Variants in EIF5B observed in about 807,000 individuals in gnomAD.
The protein encoded by EIF5B is eukaryotic translation initiation factor 5B.
Under a neutral mutation model 147.5 loss-of-function variants are expected in EIF5B, and 47 were observed. That is an observed-to-expected ratio of 0.32 (90% CI 0.25 to 0.41). EIF5B has a LOEUF of 0.41. Among genes scored for constraint, EIF5B ranks in the 10% least tolerant of loss-of-function variants. The pLI is 1.00. For missense variants in EIF5B, 1,064 were observed against 1,413.2 expected (o/e 0.75, Z 3.96); for synonymous variants, 455 against 456.2 (o/e 1.00, Z 0.03).
rs560721709 is a variant in EIF5B at position 99,361,391 on chromosome 2, T to C, written c.490T>C (p.Ser164Pro). 3.1e-6 allele frequency: 5 copies of C among 1,613,614 alleles called. No homozygotes were observed. The South Asian group carries it at 5.5e-5, about 18-fold the overall frequency. ...AAAATCAAATAAGAAGTGGGATGGGTCAGAGGAGGATGAGGATAACAGTAA... is the reference window on the plus strand; with the variant it reads ...AAAATCAAATAAGAAGTGGGATGGGCCAGAGGAGGATGAGGATAACAGTAA... ...AQKSNKKWDG[S>P]EEDEDNSKKI... The change falls in exon 4 of 24, where the codon TCA becomes CCA. Residue 164 changes from serine to proline, a missense_variant. By Grantham distance (74) the Ser-to-Pro change is moderately conservative (BLOSUM62 -1). This residue lies in a region of EIF5B where 458 missense variants were observed against 451.3 expected (regional missense o/e 1.01). Transcript: ENST00000289371.
chr2:99,338,740 A>G (rs2094250545), intron 1 of EIF5B, among the ~76,000 whole-genome samples: 1 of 152,034 alleles, frequency 6.6e-6, no homozygotes. Flanking sequence ...GTAGGGGAAC[A>G]CAAATTTCTG....
intron 12 of EIF5B, among the ~76,000 whole-genome samples, chr2:99,381,909 T>C (rs1674697015): frequency 6.6e-6 from 1 of 152,180 alleles, no homozygotes; most frequent in South Asian, 2.1e-4. Flanking sequence ...AAACTTGGAC[T>C]ACAGTCATAG....
chr2:99,383,032 A>C, intron 14 of EIF5B, 111 bp downstream of exon 14: 1 of 1,098,226 alleles, frequency 9.1e-7, no homozygotes, highest in Non-Finnish European at 1.2e-6. Flanking sequence ...ATTGTGCTTC[A>C]CTATATTGTG....
intron 16 of EIF5B, 69 bp from the exon 17 acceptor site, chr2:99,390,475 A>G: frequency 1.3e-6 from 2 of 1,580,612 alleles, no homozygotes; most frequent in Non-Finnish European, 1.7e-6. Context: ...GAGGATATTT[A>G]CTACTTTTAG....
chr2:99,341,695 G>A (rs2094259936), intron 1 of EIF5B, among the ~76,000 whole-genome samples: 1 of 152,010 alleles, frequency 6.6e-6, no homozygotes, highest in Admixed American at 6.6e-5. Context: ...CCAGTTACAG[G>A]TATTACAAAC....
Position 99,401,133 on chromosome 2 carries a change from G to T in EIF5B, c.*1719G>T, listed in dbSNP as rs988721457. On this transcript the variant is annotated 3_prime_UTR_variant, in exon 24 of 24. Coordinates refer to ENST00000289371, the MANE Select transcript of EIF5B (RefSeq NM_015904.4). ...AATGTACAAAACACTTGCTTTAAAAGAAATTTAAAATTATAAAAACTCCGA... is the reference window on the plus strand; with the variant it reads ...AATGTACAAAACACTTGCTTTAAAATAAATTTAAAATTATAAAAACTCCGA... 1 of 592,866 alleles carries T rather than the reference G, an allele frequency of 1.7e-6. No individual in the cohort carries two copies. Among genetic ancestry groups the T allele is most frequent in the Non-Finnish European group, 2.8e-6 (1 of 352,552 alleles). The allele number at this position is 592,866 out of a possible 1,614,324, so 36.7% of individuals were successfully genotyped here. A position where few individuals can be genotyped will look rare whatever the true frequency, so the allele number is the denominator to read the frequency against.
In EIF5B at chr2:99,401,153, C is replaced by G. The variant is rs936365452; in HGVS notation, c.*1739C>G. ...TAAAAGAAATTTAAAATTATAAAAA[C>G]TCCGAGCATTACTATCATGCACTTT... On this transcript the variant is annotated 3_prime_UTR_variant, in exon 24 of 24. Coordinates refer to ENST00000289371, the MANE Select transcript of EIF5B (RefSeq NM_015904.4). 7 of 703,030 alleles carry G rather than the reference C, an allele frequency of 1.0e-5. No homozygotes were observed. Among genetic ancestry groups the G allele is most frequent in the Non-Finnish European group, 1.6e-5 (7 of 426,022 alleles). 43.5% of individuals were successfully genotyped at this position (703,030 alleles called of 1,614,324 possible).
chr2:99,396,704 CT>C, intron 21 of EIF5B, 55 bp from the exon 22 acceptor site: 2 of 1,534,686 alleles, frequency 1.3e-6, no homozygotes, highest in East Asian at 2.3e-5. Context: ...TGCAGTTTTT[CT>C]TTTTATGTTT....
chr2:99,381,210 G>GTTCAT, intron 12 of EIF5B, among the ~76,000 whole-genome samples: 1 of 152,138 alleles, frequency 6.6e-6, no homozygotes, highest in Admixed American at 6.5e-5. Flanking sequence ...AGAGGAGAGG[G>GTTCAT]TTCATAACAC....
chr2:99,396,722 T>C (rs1675056556), intron 21 of EIF5B, 38 bp from the exon 22 acceptor site: 1 of 1,563,592 alleles, frequency 6.4e-7, no homozygotes, highest in Non-Finnish European at 8.6e-7. Context: ...GTTTAAGTGA[T>C]TCTGTAAGCT....
At chr2:99,379,551 CAT>C (rs955110951) in intron 12 of EIF5B, 123 bp downstream of exon 12, 1 of 685,544 alleles carries the variant, frequency 1.5e-6, no homozygotes, top group African/African-American at 1.8e-5. Flanking sequence ...TCAGAATTAA[CAT>C]GTACTATTTT....
At chr2:99,349,497 T>G (rs1265440242) in intron 1 of EIF5B, among the ~76,000 whole-genome samples, 1 of 152,250 alleles carries the variant, frequency 6.6e-6, no homozygotes, top group Non-Finnish European at 1.5e-5. Flanking sequence ...GTAATATGTG[T>G]CTTTAAAAGG....
chr2:99,393,134 A>G lies in EIF5B; in HGVS notation c.2880+36A>G, dbSNP rs1034296862. 12 of 1,464,690 alleles carry G rather than the reference A, an allele frequency of 8.2e-6. No individual in the cohort carries two copies. In the East Asian group the frequency reaches 2.3e-4, roughly 28 times the overall value. The allele number at this position is 1,464,690 out of a possible 1,614,324, so 90.7% of individuals were successfully genotyped here. ...TTAAAAATTTTTTTCCTTAAAAGCT[A>G]TTTGAGTTCTGGCATGTGTCAGCAT... On this transcript the variant is annotated intron_variant, in intron 18 of 23. Coordinates refer to ENST00000289371, the MANE Select transcript of EIF5B (RefSeq NM_015904.4).
chr2:99,341,235 C>G (rs970599260), intron 1 of EIF5B, among the ~76,000 whole-genome samples: 1 of 152,178 alleles, frequency 6.6e-6, no homozygotes, highest in Non-Finnish European at 1.5e-5. Flanking sequence ...GAATTCATTT[C>G]TTACTTGCAT....
Position 99,383,114 on chromosome 2 carries a change from T to A in EIF5B, c.2271+193T>A, listed in dbSNP as rs112887625. On this transcript the variant is annotated intron_variant, in intron 14 of 23. Coordinates refer to ENST00000289371, the MANE Select transcript of EIF5B (RefSeq NM_015904.4). Reference sequence around the variant, plus strand: ...TTTTTAAATACAAATTGTAAGTTTGTAGCAGCCTTGCATCAAGCAAGAGTA... The same window carrying A: ...TTTTTAAATACAAATTGTAAGTTTGAAGCAGCCTTGCATCAAGCAAGAGTA... Among the ~76,000 whole-genome samples the A allele has an allele frequency of 2.0e-3, 307 of 152,272 alleles. 1 individual carries two copies. The highest frequency in any genetic ancestry group is 7.2e-3 in the African/African-American group (298 of 41,550).
intron 1 of EIF5B, among the ~76,000 whole-genome samples, chr2:99,356,859 C>T (rs1316982290): frequency 2.0e-5 from 3 of 152,122 alleles, no homozygotes; most frequent in Non-Finnish European, 4.4e-5. Context: ...TGCATTTCCC[C>T]AGTGACAAAT....
intron 1 of EIF5B, among the ~76,000 whole-genome samples, chr2:99,356,608 C>G (rs1674101165): frequency 6.6e-6 from 1 of 152,116 alleles, no homozygotes; most frequent in Non-Finnish European, 1.5e-5. Context: ...TTGTCATAGA[C>G]TCAACATTGT....
chr2:99,393,115 A>AT lies in EIF5B; in HGVS notation c.2880+24dup, dbSNP rs761082432. 8.4e-5 allele frequency: 127 copies of AT among 1,503,508 alleles called. No individual in the cohort carries two copies. Among genetic ancestry groups the AT allele is most frequent in the Non-Finnish European group, 3.6e-5 (40 of 1,123,808 alleles). The allele number at this position is 1,503,508 out of a possible 1,614,324, so 93.1% of individuals were successfully genotyped here. ...GTTCTTAAAGTAAGTTCATTTAAAAATTTTTTTCCTTAAAAGCTATTTGAG... is the reference window on the plus strand; with the variant it reads ...GTTCTTAAAGTAAGTTCATTTAAAAATTTTTTTTCCTTAAAAGCTATTTGAG... On this transcript the variant is annotated intron_variant, in intron 18 of 23. Transcript: ENST00000289371.
At chr2:99,369,883 G>A (rs951729257) in intron 8 of EIF5B, among the ~76,000 whole-genome samples, 4 of 151,542 alleles carry the variant, frequency 2.6e-5, no homozygotes, top group African/African-American at 9.7e-5. Context: ...GGCTGAGGCA[G>A]GAGAATTGCT....
Sources: allele counts gnomAD v4.1 joint callset (sites outside exome capture counted in the v4.1 genomes callset), GRCh38; gene constraint gnomAD v4.1.1; regional missense constraint gnomAD v4.1.1; transcripts MANE v1.5; gene names NCBI Gene and HGNC (gene_info 2026-07-23, HGNC 2026-07-21).